LRRC7: variants seen among roughly 807,000 people sequenced by gnomAD.
LRRC7 encodes leucine rich repeat containing 7.
LRRC7 carries 23 observed loss-of-function variants against 175.7 expected under a neutral mutation model. The observed-to-expected ratio is 0.13, with a 90% CI of 0.09 to 0.19. The LOEUF (loss-of-function observed/expected upper bound fraction) is 0.19. Among genes scored for constraint, LRRC7 ranks in the 10% least tolerant of loss-of-function variants. The pLI is 1.00. For missense variants in LRRC7, 1,354 were observed against 1,904.7 expected (o/e 0.71, Z 5.38); for synonymous variants, 685 against 680.9 (o/e 1.01, Z -0.09).
chr1:70,023,966 G>A (rs1212944560), intron 17 of LRRC7, among the ~76,000 whole-genome samples: 1 of 151,874 alleles, frequency 6.6e-6, no homozygotes, highest in Non-Finnish European at 1.5e-5. Context: ...CTCTGTGGTT[G>A]GGTGTTTTAA....
intron 4 of LRRC7, among the ~76,000 whole-genome samples, chr1:69,812,689 G>A (rs557957022): frequency 1.3e-5 from 2 of 152,114 alleles, no homozygotes; most frequent in South Asian, 4.1e-4. Context: ...TTATATCACA[G>A]AGTAAACCAT....
intron 7 of LRRC7, among the ~76,000 whole-genome samples, chr1:69,907,077 AT>A (rs1477743604): frequency 6.6e-6 from 1 of 152,090 alleles, no homozygotes; most frequent in Non-Finnish European, 1.5e-5. Context: ...TTCTTGGTGT[AT>A]AAGAATGCTT....
chr1:69,670,272 C>T (rs1033368760), intron 1 of LRRC7, among the ~76,000 whole-genome samples: 8 of 152,114 alleles, frequency 5.3e-5, no homozygotes, highest in African/African-American at 1.4e-4. Flanking sequence ...TAATTTAAGC[C>T]GTATCTGCAT....
intron 6 of LRRC7, among the ~76,000 whole-genome samples, chr1:69,835,711 G>T (rs550338724): frequency 6.6e-6 from 1 of 151,854 alleles, no homozygotes; most frequent in East Asian, 1.9e-4. Flanking sequence ...ATCCCACTAG[G>T]ATTTATGGAC....
chr1:69,810,928 C>T (rs767992524), intron 4 of LRRC7, among the ~76,000 whole-genome samples: 6 of 152,154 alleles, frequency 3.9e-5, no homozygotes, highest in African/African-American at 1.4e-4. Flanking sequence ...CAACTGGGAT[C>T]TAATTACACT....
At chr1:69,884,882 T>C (rs1422739491) in intron 7 of LRRC7, among the ~76,000 whole-genome samples, 2 of 143,944 alleles carry the variant, frequency 1.4e-5, no homozygotes, top group Non-Finnish European at 3.0e-5. Flanking sequence ...ATCATGTGGT[T>C]TTTGTCTTTG....
intron 2 of LRRC7, among the ~76,000 whole-genome samples, chr1:69,729,023 C>T (rs1478531846): frequency 1.3e-5 from 2 of 152,120 alleles, no homozygotes; most frequent in Non-Finnish European, 2.9e-5. Context: ...AGGGGAAGTG[C>T]TGAGCGAAAG....
intron 1 of LRRC7, among the ~76,000 whole-genome samples, chr1:69,638,136 T>C (rs1653681225): frequency 6.6e-6 from 1 of 151,938 alleles, no homozygotes; most frequent in Admixed American, 6.6e-5. Context: ...TTCTCAATTT[T>C]AATATAAAGA....
intron 7 of LRRC7, among the ~76,000 whole-genome samples, chr1:69,853,270 C>CTTTTTTTTTTTTTTTTTTTTTTTTTTTTT (rs1163071175): frequency 1.1e-5 from 1 of 88,012 alleles, no homozygotes; most frequent in African/African-American, 4.5e-5. Flanking sequence ...TCCTTTCTTT[C>CTTTTTTTTTTTTTTTTTTTTTTTTTTTTT]TTTTTTTTTT....
intron 26 of LRRC7, among the ~76,000 whole-genome samples, chr1:70,109,758 G>A (rs761293580): frequency 2.6e-4 from 39 of 152,102 alleles, no homozygotes; most frequent in Non-Finnish European, 4.1e-4. Context: ...AAACAGCTGA[G>A]AATAAACTAA....
intron 13 of LRRC7, among the ~76,000 whole-genome samples, chr1:70,014,870 G>A (rs1472200607): frequency 6.6e-6 from 1 of 151,860 alleles, no homozygotes; most frequent in Non-Finnish European, 1.5e-5. Flanking sequence ...GAAAATCAAG[G>A]GTATCTTGCC....
intron 7 of LRRC7, among the ~76,000 whole-genome samples, chr1:69,909,679 C>T (rs1448560251): frequency 1.3e-5 from 2 of 151,984 alleles, no homozygotes; most frequent in Non-Finnish European, 1.5e-5. Flanking sequence ...GGTAACCCGA[C>T]CTTTCTCTCT....
intron 2 of LRRC7, among the ~76,000 whole-genome samples, chr1:69,683,370 CTCCT>C (rs1245238401): frequency 6.6e-6 from 1 of 152,084 alleles, no homozygotes; most frequent in Non-Finnish European, 1.5e-5. Context: ...TTAGAAAACC[CTCCT>C]TATCTTAAAA....
At chr1:69,909,592 A>G (rs1646453211) in intron 7 of LRRC7, among the ~76,000 whole-genome samples, 1 of 152,144 alleles carries the variant, frequency 6.6e-6, no homozygotes, top group African/African-American at 2.4e-5. Context: ...CATGTTTAAT[A>G]TTGGCCCCCA....
chr1:69,643,286 A>G (rs977831338), intron 1 of LRRC7, among the ~76,000 whole-genome samples: 3 of 152,062 alleles, frequency 2.0e-5, no homozygotes, highest in Non-Finnish European at 4.4e-5. Flanking sequence ...ACCCACACAA[A>G]CACACAGAGA....
chr1:69,806,406 A>G (rs1274956207), intron 4 of LRRC7, among the ~76,000 whole-genome samples: 2 of 151,970 alleles, frequency 1.3e-5, no homozygotes, highest in African/African-American at 4.8e-5. Flanking sequence ...GGCCAAGGTC[A>G]TAAGCACTCC....
intron 4 of LRRC7, among the ~76,000 whole-genome samples, chr1:69,809,161 C>T (rs1416080213): frequency 6.6e-6 from 1 of 152,140 alleles, no homozygotes; most frequent in Non-Finnish European, 1.5e-5. Context: ...TGCAAATAAA[C>T]TAGAAAATCT....
intron 12 of LRRC7, 133 bp downstream of exon 12, chr1:70,012,059 A>T (rs930463324): frequency 2.1e-6 from 1 of 484,188 alleles, no homozygotes; most frequent in Non-Finnish European, 3.5e-6. Flanking sequence ...CTACATATAT[A>T]TTTGCTAATT....
chr1:69,978,618 A>G (rs979304746), intron 8 of LRRC7, among the ~76,000 whole-genome samples: 3 of 152,152 alleles, frequency 2.0e-5, no homozygotes, highest in Admixed American at 6.5e-5. Flanking sequence ...TTAAATTTCA[A>G]TCCTTGTTAT....
Sources: allele counts gnomAD v4.1 joint callset (sites outside exome capture counted in the v4.1 genomes callset), GRCh38; gene constraint gnomAD v4.1.1; transcripts MANE v1.5; gene names NCBI Gene and HGNC (gene_info 2026-07-23, HGNC 2026-07-21).